Variants in PSD3 observed in about 807,000 individuals in gnomAD.
PSD3 encodes the protein PH and SEC7 domain-containing protein 3.
Under a neutral mutation model 105.5 loss-of-function variants are expected in PSD3, and 49 were observed. The ratio of observed to expected loss-of-function variants is 0.46; its 90% CI spans 0.37 to 0.59. The LOEUF is 0.59. PSD3 is among the 20% of genes least tolerant of loss of function. The pLI, the probability that PSD3 is intolerant of heterozygous loss-of-function variation, is 0.00. For missense variants in PSD3, 1,561 were observed against 1,263.8 expected, an observed-to-expected ratio of 1.24 and a Z score of -3.57; for synonymous variants, 557 against 457.8, an observed-to-expected ratio of 1.22 and a Z score of -2.77.
intron 9 of PSD3, among the ~76,000 whole-genome samples, chr8:18,723,987 CA>C (rs1320541675): frequency 2.6e-5 from 4 of 151,844 alleles, no homozygotes; most frequent in African/African-American, 7.3e-5. Flanking sequence ...AACACTATCA[CA>C]GCCATATGAA....
chr8:18,878,476 G>A (rs922567102), intron 2 of PSD3, among the ~76,000 whole-genome samples: 2 of 152,156 alleles, frequency 1.3e-5, no homozygotes. Context: ...ACTGAAGTAG[G>A]AGGCAGCCCA....
chr8:18,817,862 T>C (rs1288601135), intron 4 of PSD3, among the ~76,000 whole-genome samples: 1 of 152,194 alleles, frequency 6.6e-6, no homozygotes, highest in African/African-American at 2.4e-5. Context: ...AATGCAGCGG[T>C]GAAGAGGGGA....
chr8:18,557,108 G>C (rs1275790525), intron 14 of PSD3, among the ~76,000 whole-genome samples: 2 of 152,186 alleles, frequency 1.3e-5, no homozygotes, highest in South Asian at 2.1e-4. Flanking sequence ...TACCCAAAAA[G>C]ATATGTTACT....
In PSD3 at chr8:18,600,389, T is replaced by C. The variant is rs1337370043; in HGVS notation, c.2456A>G (p.Lys819Arg). The C allele has an allele frequency of 4.4e-6, 7 of 1,608,452 alleles. No individual in the cohort carries two copies. Among genetic ancestry groups the C allele is most frequent in the Non-Finnish European group, 5.9e-6 (7 of 1,178,590 alleles). The change falls in exon 12 of 16, where the codon AAG (lysine) becomes AGG (arginine). Residue 819 changes from lysine (K) to arginine (R), a missense_variant. Lys to Arg is a conservative substitution (Grantham distance 26). Coordinates refer to ENST00000327040, the MANE Select transcript of PSD3 (RefSeq NM_015310.4). ...CTTTTGCAAGTAAAGAACTGTTCCC[T>C]TCAGTACAGCATAAAAGGTTTTCCA... ...RGWKTFYAVL[K>R]GTVLYLQKDE... is the part of the protein sequence containing the mutation.
At chr8:18,550,231 C>G (rs1049680590) in intron 15 of PSD3, among the ~76,000 whole-genome samples, 1 of 152,242 alleles carries the variant, frequency 6.6e-6, no homozygotes, top group African/African-American at 2.4e-5. Context: ...TCTTTGCAAT[C>G]ATCTACTAAA....
intron 1 of PSD3, among the ~76,000 whole-genome samples, chr8:19,034,000 C>T (rs1225650776): frequency 2.0e-5 from 3 of 152,070 alleles, no homozygotes; most frequent in Non-Finnish European, 2.9e-5. Context: ...TGATTATATA[C>T]AGAAAACATT....
At chr8:18,749,103 T>G (rs1805269560) in intron 9 of PSD3, among the ~76,000 whole-genome samples, 1 of 152,256 alleles carries the variant, frequency 6.6e-6, no homozygotes, top group Non-Finnish European at 1.5e-5. Context: ...GTTGATTATC[T>G]TCTTGACGTT....
intron 8 of PSD3, among the ~76,000 whole-genome samples, chr8:18,789,400 A>G (rs1464574670): frequency 6.6e-6 from 1 of 152,228 alleles, no homozygotes; most frequent in Non-Finnish European, 1.5e-5. Context: ...ATTCTTTAAT[A>G]TATTTCTCAC....
chr8:18,984,924 C>T (rs368791383), intron 1 of PSD3, among the ~76,000 whole-genome samples: 8 of 152,170 alleles, frequency 5.3e-5, no homozygotes, highest in African/African-American at 4.8e-5. Flanking sequence ...TGACCCATCA[C>T]GCTTCGCTTT....
rs149566094 is a variant in PSD3 at position 18,920,435 on chromosome 8, G to A, written c.130+15599C>T. ...ATCATGCTGAAAGCAAGGTTCGAGT[G>A]TGGACAGATACAGCGGTATTGAAAT... On this transcript the variant is annotated intron_variant, in intron 2 of 15. Coordinates refer to ENST00000327040, the MANE Select transcript of PSD3 (RefSeq NM_015310.4). Among the ~76,000 whole-genome samples, 183 of 152,330 alleles carry A rather than the reference G, an allele frequency of 1.2e-3. 2 individuals carry two copies. Among genetic ancestry groups the A allele is most frequent in the African/African-American group, 4.2e-3 (176 of 41,574 alleles).
intron 12 of PSD3, among the ~76,000 whole-genome samples, chr8:18,580,817 T>C (rs913648209): frequency 6.6e-6 from 1 of 152,164 alleles, no homozygotes; most frequent in Non-Finnish European, 1.5e-5. Flanking sequence ...TAGAGATTCT[T>C]GAGAGCCTGA....
intron 9 of PSD3, among the ~76,000 whole-genome samples, chr8:18,676,629 G>C (rs891338327): frequency 6.6e-6 from 1 of 152,190 alleles, no homozygotes; most frequent in Non-Finnish European, 1.5e-5. Context: ...CTGCTGGCCA[G>C]ACCAGCGAGG....
At chr8:18,975,178 G>A (rs1296606543) in intron 1 of PSD3, among the ~76,000 whole-genome samples, 2 of 152,096 alleles carry the variant, frequency 1.3e-5, no homozygotes, top group Non-Finnish European at 2.9e-5. Flanking sequence ...TAAGGAAAAG[G>A]TCTCTGCCTA....
intron 9 of PSD3, among the ~76,000 whole-genome samples, chr8:18,683,486 C>T (rs1374776644): frequency 6.6e-6 from 1 of 152,190 alleles, no homozygotes; most frequent in Non-Finnish European, 1.5e-5. Context: ...AAAACAAGAT[C>T]GATGTGCCAA....
chr8:19,075,494 T>G (rs1460164266), intron 1 of PSD3, among the ~76,000 whole-genome samples: 5 of 152,252 alleles, frequency 3.3e-5, no homozygotes, highest in Admixed American at 2.6e-4. Flanking sequence ...TAATGAATTA[T>G]GAAATTCACA....
At chr8:18,586,551 A>C (rs1803201759) in intron 12 of PSD3, among the ~76,000 whole-genome samples, 1 of 152,032 alleles carries the variant, frequency 6.6e-6, no homozygotes, top group Non-Finnish European at 1.5e-5. Context: ...TGGGTGGGGC[A>C]GGGGGTGGTT....
chr8:19,044,264 C>T (rs754978503), intron 1 of PSD3, among the ~76,000 whole-genome samples: 37 of 152,284 alleles, frequency 2.4e-4, no homozygotes, highest in Middle Eastern at 3.4e-3. Flanking sequence ...ATTACTGCTC[C>T]GGTCTCCTAG....
intron 4 of PSD3, chr8:18,808,653 T>A (rs907458121): frequency 2.0e-6 from 3 of 1,485,260 alleles, no homozygotes; most frequent in Admixed American, 1.7e-5. Context: ...CTAGATGGCT[T>A]CATTCTGTCC....
chr8:18,765,383 G>A (rs1278842151), intron 9 of PSD3, 66 bp downstream of exon 9: 2 of 1,388,306 alleles, frequency 1.4e-6, no homozygotes, highest in Non-Finnish European at 2.1e-6. Flanking sequence ...AGCCTACTTA[G>A]GATTAAGCTG....
Sources: allele counts gnomAD v4.1 joint callset (sites outside exome capture counted in the v4.1 genomes callset), GRCh38; gene constraint gnomAD v4.1.1; transcripts MANE v1.5; gene names NCBI Gene and HGNC (gene_info 2026-07-23, HGNC 2026-07-21).